MEF2A: variants seen among roughly 807,000 people sequenced by gnomAD.
MEF2A encodes myocyte enhancer factor 2A.
A neutral mutation model predicts 55.8 loss-of-function variants in MEF2A; 28 were observed. The observed-to-expected ratio is 0.50, with a 90% confidence interval of 0.37 to 0.69. The LOEUF is 0.69. Among genes scored for constraint, MEF2A ranks in the 30% least tolerant of loss-of-function variants. The pLI is 0.00. For missense variants in MEF2A, 528 were observed against 626.2 expected, an observed-to-expected ratio of 0.84 and a Z score of 1.67; for synonymous variants, 239 against 227.1, an observed-to-expected ratio of 1.05 and a Z score of -0.47.
Position 99,712,427 on chromosome 15 carries a change from A to T in MEF2A, c.1174A>T (p.Ile392Phe). Residue 392 changes from isoleucine (I) to phenylalanine (F), a missense_variant, in exon 12 of 12, where the codon ATT becomes TTT. Ile to Phe is a conservative substitution (Grantham distance 21, BLOSUM62 0). Around this residue, in one of 2 missense-constraint regions of MEF2A, gnomAD observed 450 missense variants for 475.3 expected, o/e 0.95. Transcript: ENST00000557942. This position sits in a 1 kb window ranked among gnomAD's most constrained non-coding sequence, Gnocchi z 4.1. ...GTTATCTCAGGGTTCCAATTTATCCATTAATACCAACCAAAACATCAGCAT... is the reference window on the plus strand; with the variant it reads ...GTTATCTCAGGGTTCCAATTTATCCTTTAATACCAACCAAAACATCAGCAT... ...GQLSQGSNLS[I>F]NTNQNISIKS... 2.6e-6 allele frequency: 4 copies of T among 1,548,912 alleles called. No homozygotes were observed. The highest frequency in any genetic ancestry group is 3.5e-6 in the Non-Finnish European group (4 of 1,144,710).
At chr15:99,605,223 T>C (rs748236902) in intron 2 of MEF2A, among the ~76,000 whole-genome samples, 30 of 152,182 alleles carry the variant, frequency 2.0e-4, no homozygotes, top group Non-Finnish European at 3.5e-4. Context: ...GCTGGAATTA[T>C]AGGTGTGAGC....
At chr15:99,693,451 A>G (rs1036244989) in intron 8 of MEF2A, among the ~76,000 whole-genome samples, 1 of 152,156 alleles carries the variant, frequency 6.6e-6, no homozygotes, top group Non-Finnish European at 1.5e-5. Context: ...GTATGCACGC[A>G]CACACACTCT....
At chr15:99,617,850 G>A (rs1238653437) in intron 2 of MEF2A, among the ~76,000 whole-genome samples, 1 of 152,150 alleles carries the variant, frequency 6.6e-6, no homozygotes, top group Admixed American at 6.5e-5. Flanking sequence ...TCTTTGCTCT[G>A]AATTGTTTCT....
intron 8 of MEF2A, among the ~76,000 whole-genome samples, chr15:99,697,400 A>G (rs1240931048): frequency 6.6e-5 from 10 of 152,104 alleles, no homozygotes; most frequent in African/African-American, 2.2e-4. Flanking sequence ...GTTGCAGGGT[A>G]CAAAGTTAAT....
At chr15:99,595,836 G>C (rs566206551) in intron 1 of MEF2A, among the ~76,000 whole-genome samples, 4 of 152,292 alleles carry the variant, frequency 2.6e-5, no homozygotes, top group African/African-American at 9.6e-5. Flanking sequence ...CAAAGTTAAA[G>C]AGCTTAACAG....
chr15:99,663,561 T>C (rs1230100821), intron 4 of MEF2A, among the ~76,000 whole-genome samples: 2 of 151,930 alleles, frequency 1.3e-5, no homozygotes, highest in African/African-American at 4.8e-5. Flanking sequence ...GTATAAAAGT[T>C]TTATATTTAA....
rs75530580 is a variant in MEF2A at position 99,696,822 on chromosome 15, C to G, written c.858+6394C>G. On this transcript the variant is annotated intron_variant, in intron 8 of 11. Coordinates refer to ENST00000557942, the MANE Select transcript of MEF2A (RefSeq NM_001319206.4). ...CTTATTTTTTTAGGTCAGCATTACC[C>G]CGCTGCAAAACCAAAGTAAGCCAAC... 8.7e-3 allele frequency among the ~76,000 whole-genome samples: 1,319 copies of G among 151,908 alleles called. 45 individuals are homozygous for G. Among genetic ancestry groups the G allele is most frequent in the Admixed American group, 0.06 (921 of 15,242 alleles).
At chr15:99,615,924 T>C (rs1024817763) in intron 2 of MEF2A, among the ~76,000 whole-genome samples, 1 of 152,196 alleles carries the variant, frequency 6.6e-6, no homozygotes, top group Non-Finnish European at 1.5e-5. Flanking sequence ...GTAAGTGACT[T>C]GGTCAAGATC....
intron 2 of MEF2A, among the ~76,000 whole-genome samples, chr15:99,624,507 G>T (rs928782094): frequency 2.6e-5 from 4 of 152,128 alleles, no homozygotes; most frequent in African/African-American, 4.8e-5. Context: ...TTTATTTGCG[G>T]GTTCTCTATT....
In MEF2A at chr15:99,694,653, C is replaced by G. The variant is rs544867881; in HGVS notation, c.858+4225C>G. Reference sequence around the variant, plus strand: ...ACCAGGTTTCTTTTCTGTGAAGTTACTCTTTCTCCCGCTTTTCATACTGTA... The same window carrying G: ...ACCAGGTTTCTTTTCTGTGAAGTTAGTCTTTCTCCCGCTTTTCATACTGTA... On this transcript the variant is annotated intron_variant, in intron 8 of 11. Transcript: ENST00000557942. Among the ~76,000 whole-genome samples, 235 of 152,322 alleles carry G rather than the reference C, an allele frequency of 1.5e-3. 2 individuals are homozygous for G. The highest frequency in any genetic ancestry group is 6.8e-3 in the Middle Eastern group (2 of 294).
In MEF2A at chr15:99,580,220, A is replaced by G. The variant is rs375894263; in HGVS notation, c.-225+14116A>G. 3.3e-5 allele frequency among the ~76,000 whole-genome samples: 5 copies of G among 152,170 alleles called. 1 individual carries two copies. The highest frequency in any genetic ancestry group is 3.8e-4 in the East Asian group (2 of 5,200). ...GGGTGAATGACAGTTTGAGGGATCA[A>G]TGGCTGGGATTTGGTGACTTCCCCC... is the stretch of plus-strand genomic sequence containing the variant. On this transcript the variant is annotated intron_variant, in intron 1 of 11. Transcript: ENST00000557942.
At chr15:99,692,384 A>T (rs2055650460) in intron 8 of MEF2A, among the ~76,000 whole-genome samples, 1 of 152,182 alleles carries the variant, frequency 6.6e-6, no homozygotes, top group Non-Finnish European at 1.5e-5. Context: ...CTCACAATTA[A>T]AAAAACTTGG....
Position 99,675,711 on chromosome 15 carries a change from T to A in MEF2A, c.670+253T>A, listed in dbSNP as rs189925943. On this transcript the variant is annotated intron_variant, in intron 7 of 11. Transcript: ENST00000557942. ...GACTAGAATGAAAAGAAATGGTGGGTCTATCTACTTCTACAGATAGAAAGA... is the reference window on the plus strand; with the variant it reads ...GACTAGAATGAAAAGAAATGGTGGGACTATCTACTTCTACAGATAGAAAGA... 2.0e-5 allele frequency among the ~76,000 whole-genome samples: 3 copies of A among 152,262 alleles called. No homozygotes were observed. In the East Asian group the frequency reaches 5.8e-4, roughly 29 times the overall value.
At chr15:99,592,386 G>C (rs1323897662) in intron 1 of MEF2A, among the ~76,000 whole-genome samples, 1 of 152,070 alleles carries the variant, frequency 6.6e-6, no homozygotes, top group Non-Finnish European at 1.5e-5. Flanking sequence ...CTATAGAGCT[G>C]TGTTGTTACA....
intron 7 of MEF2A, among the ~76,000 whole-genome samples, chr15:99,684,080 T>C (rs1354503339): frequency 2.6e-5 from 4 of 152,188 alleles, no homozygotes; most frequent in Non-Finnish European, 5.9e-5. Context: ...GGTGTACATA[T>C]ATGTATATAT....
intron 1 of MEF2A, among the ~76,000 whole-genome samples, chr15:99,581,516 T>G (rs1440468498): frequency 1.3e-5 from 2 of 152,152 alleles, no homozygotes; most frequent in African/African-American, 4.8e-5. Context: ...TCTTTCTTTT[T>G]ATTGACCTCC....
chr15:99,625,921 A>G (rs560116797), intron 2 of MEF2A, among the ~76,000 whole-genome samples: 23 of 152,150 alleles, frequency 1.5e-4, no homozygotes, highest in African/African-American at 4.8e-4. Context: ...ATATTGGTCT[A>G]TAGTTTTCTT....
At chr15:99,583,264 C>G (rs1255420756) in intron 1 of MEF2A, among the ~76,000 whole-genome samples, 1 of 151,994 alleles carries the variant, frequency 6.6e-6, no homozygotes, top group Non-Finnish European at 1.5e-5. Flanking sequence ...GTTTGCATTC[C>G]TCAAATGTCC....
At chr15:99,585,178 T>C (rs535981962) in intron 1 of MEF2A, among the ~76,000 whole-genome samples, 6 of 152,354 alleles carry the variant, frequency 3.9e-5, no homozygotes, top group African/African-American at 1.4e-4. Context: ...CTGTATTTTT[T>C]AATATTAAAT....
Sources: gnomAD v4.1 joint callset for allele counts (sites outside exome capture counted in the v4.1 genomes callset) on GRCh38, gnomAD v4.1.1 for gene constraint, gnomAD v4.1.1 regional missense constraint, Gnocchi (gnomAD v3.1) non-coding constraint, MANE v1.5 for transcripts, NCBI Gene and HGNC (gene_info 2026-07-23, HGNC 2026-07-21) for gene names.